RANBP2: variants seen among roughly 807,000 people sequenced by gnomAD.
RANBP2 encodes E3 SUMO-protein ligase RanBP2.
In RANBP2, 57 loss-of-function variants were observed where a neutral mutation model predicts 303.6. The observed-to-expected ratio is 0.19, with a 90% CI of 0.15 to 0.23. The LOEUF (loss-of-function observed/expected upper bound fraction) is 0.23. Ranked by LOEUF, RANBP2 falls within the 10% of genes least tolerant of loss-of-function variation. The pLI is 1.00. For synonymous variants in RANBP2, 1,167 were observed against 1,301.5 expected (o/e 0.90, Z 2.23); for missense variants, 3,138 against 3,780.8 (o/e 0.83, Z 4.46).
intron 1 of RANBP2, 35 bp downstream of exon 1, chr2:108,719,713 C>G (rs1267671067): frequency 6.4e-7 from 1 of 1,566,894 alleles, no homozygotes; most frequent in Admixed American, 1.9e-5. Context: ...CGGCCTCGAC[C>G]TGGCCGGGCG....
At chr2:109,064,136 T>C in the RANBP2 span, among the ~76,000 whole-genome samples, 2 of 152,160 alleles carry the variant, frequency 1.3e-5, no homozygotes, top group Admixed American at 6.5e-5. Flanking sequence ...TGTACTAATG[T>C]TATTCCCATT....
chr2:109,404,214 C>T, the RANBP2 span, among the ~76,000 whole-genome samples: 1 of 152,122 alleles, frequency 6.6e-6, no homozygotes, highest in African/African-American at 2.4e-5. Flanking sequence ...GACTGACACC[C>T]ACACAGCCTG....
chr2:109,143,665 G>C, the RANBP2 span, among the ~76,000 whole-genome samples: 1 of 151,990 alleles, frequency 6.6e-6, no homozygotes, highest in African/African-American at 2.4e-5. Context: ...GAGGTAGGAG[G>C]ATTTCTTAAG....
the RANBP2 span, among the ~76,000 whole-genome samples, chr2:109,577,912 C>CAAAA: frequency 1.1e-5 from 1 of 92,330 alleles, no homozygotes; most frequent in African/African-American, 4.1e-5. Context: ...GACTTTGTCT[C>CAAAA]AAAAAAAAAA....
At chr2:108,969,357 G>C in the RANBP2 span, among the ~76,000 whole-genome samples, 1 of 152,076 alleles carries the variant, frequency 6.6e-6, no homozygotes, top group African/African-American at 2.4e-5. Flanking sequence ...CTATTGATCT[G>C]TATGTGCTGG....
chr2:109,599,334 T>C, the RANBP2 span, among the ~76,000 whole-genome samples: 2 of 151,858 alleles, frequency 1.3e-5, no homozygotes, highest in Non-Finnish European at 2.9e-5. Flanking sequence ...GGTGTGTGCC[T>C]GTAATCCCAG....
intron 8 of RANBP2, among the ~76,000 whole-genome samples, chr2:108,748,184 T>A (rs1675523811): frequency 6.6e-6 from 1 of 151,998 alleles, no homozygotes; most frequent in Non-Finnish European, 1.5e-5. Flanking sequence ...TAAAAAACTC[T>A]GGGAACGAGG....
chr2:109,410,216 C>T, the RANBP2 span, among the ~76,000 whole-genome samples: 278 of 152,332 alleles, frequency 1.8e-3, 3 homozygotes, highest in African/African-American at 6.3e-3. Context: ...GGCTTCCAAC[C>T]AGGGGAGGCT....
At chr2:109,554,790 A>T in the RANBP2 span, among the ~76,000 whole-genome samples, 4 of 152,146 alleles carry the variant, frequency 2.6e-5, no homozygotes, top group African/African-American at 4.8e-5. Context: ...ACACATGGTA[A>T]CCCAAAACAT....
chr2:109,595,128 C>G, the RANBP2 span: 2 of 152,256 alleles, frequency 1.3e-5, no homozygotes, highest in African/African-American at 2.4e-5. Context: ...CTCAAGCGAT[C>G]CTACCGCCTT....
chr2:109,486,243 A>AT, the RANBP2 span, among the ~76,000 whole-genome samples: 12 of 152,240 alleles, frequency 7.9e-5, no homozygotes, highest in Admixed American at 5.9e-4. Flanking sequence ...TATCAGAATC[A>AT]TTTTTTGGTC....
chr2:108,991,933 G>A, the RANBP2 span, among the ~76,000 whole-genome samples: 1,090 of 152,226 alleles, frequency 7.2e-3, 9 homozygotes, highest in South Asian at 0.028. Flanking sequence ...CCGAGGAGCT[G>A]GGATTACAGA....
the RANBP2 span, among the ~76,000 whole-genome samples, chr2:109,188,234 G>T: frequency 3.3e-5 from 5 of 152,246 alleles, no homozygotes; most frequent in African/African-American, 1.2e-4. Context: ...TGTAGCAGGG[G>T]TGCCTCTGAA....
At chr2:108,990,267 T>C in the RANBP2 span, among the ~76,000 whole-genome samples, 1 of 151,298 alleles carries the variant, frequency 6.6e-6, no homozygotes, top group African/African-American at 2.4e-5. Flanking sequence ...CCGTCTCTAC[T>C]AAAAATACAA....
At chr2:108,857,695 G>A in the RANBP2 span, among the ~76,000 whole-genome samples, 14 of 152,188 alleles carry the variant, frequency 9.2e-5, no homozygotes, top group Non-Finnish European at 1.3e-4. Flanking sequence ...TCTTGGAGTT[G>A]TGTATTTCAG....
the RANBP2 span, among the ~76,000 whole-genome samples, chr2:109,136,844 G>A: frequency 9.7e-4 from 148 of 152,204 alleles, 1 homozygote; most frequent in South Asian, 0.013. Context: ...TGCTTGCACC[G>A]GGGCACCTGT....
chr2:109,224,492 T>C, the RANBP2 span, among the ~76,000 whole-genome samples: 2 of 152,168 alleles, frequency 1.3e-5, no homozygotes, highest in African/African-American at 4.8e-5. Flanking sequence ...CTCTGTTCAG[T>C]ACAGTAGCGA....
At chr2:108,790,236 G>A (rs529401020), downstream of RANBP2, among the ~76,000 whole-genome samples, 1 of 152,220 alleles carries the variant, frequency 6.6e-6, no homozygotes, top group African/African-American at 2.4e-5. Flanking sequence ...TGAATGTAGG[G>A]TAAGGAAAGT....
At chr2:108,915,822 G>A in the RANBP2 span, among the ~76,000 whole-genome samples, 80 of 152,210 alleles carry the variant, frequency 5.3e-4, no homozygotes, top group East Asian at 0.013. Flanking sequence ...GCTGGAACCC[G>A]GGAGGCGGAG....
Sources: allele counts gnomAD v4.1 joint callset (sites outside exome capture counted in the v4.1 genomes callset), GRCh38; gene constraint gnomAD v4.1.1; transcripts MANE v1.5; gene names NCBI Gene and HGNC (gene_info 2026-07-23, HGNC 2026-07-21).